The following ARHGEF10L variants were observed in gnomAD, a reference collection of about 807,000 sequenced individuals.
The protein encoded by ARHGEF10L is rho guanine nucleotide exchange factor 10-like protein.
Under a neutral mutation model 141.2 loss-of-function variants are expected in ARHGEF10L, and 69 were observed. The ratio of observed to expected loss-of-function variants is 0.49; its 90% CI spans 0.40 to 0.60. The LOEUF (loss-of-function observed/expected upper bound fraction) is 0.60. Ranked by LOEUF, ARHGEF10L falls within the 20% of genes least tolerant of loss-of-function variation. The pLI is 0.00. For synonymous variants in ARHGEF10L, 711 were observed against 718.5 expected (o/e 0.99, Z 0.17); for missense variants, 1,482 against 1,734.3 (o/e 0.85, Z 2.58).
intron 22 of ARHGEF10L, among the ~76,000 whole-genome samples, chr1:17,653,777 T>TGAGTGACATTGAGCCAGGCACGCCTG (rs2062071059): frequency 6.6e-6 from 1 of 152,244 alleles, no homozygotes; most frequent in Non-Finnish European, 1.5e-5. Flanking sequence ...GCCACTAACA[T>TGAGTGACATTGAGCCAGGCACGCCTG]GCTGTGTGAC....
Position 17,627,231 on chromosome 1 carries a change from C to T in ARHGEF10L, c.1411-99C>T. 6.9e-7 allele frequency: 1 copy of T among 1,458,744 alleles called. No individual in the cohort carries two copies. Among genetic ancestry groups the T allele is most frequent in the South Asian group, 1.3e-5 (1 of 75,348 alleles). 90.4% of individuals were successfully genotyped at this position (1,458,744 alleles called of 1,614,324 possible). A position where few individuals can be genotyped will look rare whatever the true frequency, so the allele number is the denominator to read the frequency against. ...GGCCTCAGGCCGGGCCCTTTGCAGA[C>T]CCAGTGTGTGTAGGGGGTTGCGCAG... On this transcript the variant is annotated intron_variant, in intron 14 of 28. Coordinates refer to ENST00000361221, the MANE Select transcript of ARHGEF10L (RefSeq NM_018125.4). The surrounding 1 kb of genome is among the most constrained non-coding windows in gnomAD (Gnocchi z 4.0).
At chr1:17,591,863 C>T (rs1003411485) in intron 4 of ARHGEF10L, among the ~76,000 whole-genome samples, 8 of 152,212 alleles carry the variant, frequency 5.3e-5, no homozygotes, top group African/African-American at 1.9e-4. Context: ...TATCTTATTA[C>T]TTGTACCCCT....
At chr1:17,672,802 A>G (rs2063405659) in intron 26 of ARHGEF10L, among the ~76,000 whole-genome samples, 1 of 152,024 alleles carries the variant, frequency 6.6e-6, no homozygotes, top group Non-Finnish European at 1.5e-5. Flanking sequence ...CATGGGAGGT[A>G]GGGGTGGGTT....
At chr1:17,666,763 G>A (rs2063002490) in intron 26 of ARHGEF10L, among the ~76,000 whole-genome samples, 2 of 150,690 alleles carry the variant, frequency 1.3e-5, no homozygotes, top group South Asian at 4.3e-4. Context: ...CCCAGCCCCT[G>A]GTTCATGCTG....
chr1:17,525,242 G>C, the ARHGEF10L span, among the ~76,000 whole-genome samples: 2 of 152,080 alleles, frequency 1.3e-5, no homozygotes, highest in African/African-American at 4.8e-5. Flanking sequence ...TTCTCCCTCC[G>C]CATCTTAGTC....
the ARHGEF10L span, among the ~76,000 whole-genome samples, chr1:17,530,999 C>T: frequency 6.7e-6 from 1 of 149,396 alleles, no homozygotes; most frequent in African/African-American, 2.5e-5. Context: ...AGCAAGACTC[C>T]ATCTCAAAAA....
chr1:17,520,662 T>C, the ARHGEF10L span, among the ~76,000 whole-genome samples: 1 of 152,192 alleles, frequency 6.6e-6, no homozygotes, highest in African/African-American at 2.4e-5. Context: ...TGGGTGCCTC[T>C]ATGGGTGTGA....
chr1:17,566,157 T>G (rs1359015725), intron 1 of ARHGEF10L, among the ~76,000 whole-genome samples: 1 of 152,222 alleles, frequency 6.6e-6, no homozygotes, highest in African/African-American at 2.4e-5. Flanking sequence ...CAATGCCCTC[T>G]GATCCGGGTT....
chr1:17,525,929 C>T, the ARHGEF10L span, among the ~76,000 whole-genome samples: 1 of 146,488 alleles, frequency 6.8e-6, no homozygotes, highest in Admixed American at 6.9e-5. Flanking sequence ...TTGAATCCTG[C>T]AGGTGGAGGT....
intron 28 of ARHGEF10L, 106 bp downstream of exon 28, chr1:17,695,386 G>T: frequency 7.0e-7 from 1 of 1,429,432 alleles, no homozygotes; most frequent in Non-Finnish European, 9.2e-7. Context: ...ATAGGGATGG[G>T]GTTCCAGTCT....
the ARHGEF10L span, among the ~76,000 whole-genome samples, chr1:17,531,115 T>A: frequency 2.0e-5 from 3 of 152,104 alleles, no homozygotes; most frequent in Non-Finnish European, 1.5e-5. Flanking sequence ...GCCTGGCGTA[T>A]GGTAAATGTA....
At chr1:17,640,618 AG>A (rs1408782397) in intron 21 of ARHGEF10L, among the ~76,000 whole-genome samples, 7 of 152,192 alleles carry the variant, frequency 4.6e-5, no homozygotes, top group African/African-American at 1.7e-4. Context: ...CTAGACTGCT[AG>A]GGGTTTTGGT....
At chr1:17,693,758 T>C (rs2065277290) in intron 27 of ARHGEF10L, among the ~76,000 whole-genome samples, 1 of 152,192 alleles carries the variant, frequency 6.6e-6, no homozygotes, top group Non-Finnish European at 1.5e-5. Flanking sequence ...TCCAAAGCTG[T>C]GTTTTTTCAA....
intron 26 of ARHGEF10L, among the ~76,000 whole-genome samples, chr1:17,686,316 A>G (rs1183163854): frequency 6.6e-6 from 1 of 152,088 alleles, no homozygotes; most frequent in Non-Finnish European, 1.5e-5. Context: ...TCAAGTGTCC[A>G]TCCATTCATT....
intron 7 of ARHGEF10L, among the ~76,000 whole-genome samples, chr1:17,610,272 G>A (rs2059477882): frequency 6.6e-6 from 1 of 152,214 alleles, no homozygotes; most frequent in Admixed American, 6.5e-5. Flanking sequence ...CCCCCAGGGG[G>A]TATAAGGGGC....
intron 1 of ARHGEF10L, among the ~76,000 whole-genome samples, chr1:17,550,664 CA>C (rs755037225): frequency 6.7e-6 from 1 of 148,244 alleles, no homozygotes; most frequent in Non-Finnish European, 1.5e-5. Context: ...AAAAAAAAGC[CA>C]AAAAACCCCA....
chr1:17,689,809 C>T (rs939066000), intron 27 of ARHGEF10L: 7 of 455,718 alleles, frequency 1.5e-5, no homozygotes, highest in African/African-American at 4.0e-5. Flanking sequence ...TCTTTGGAAT[C>T]TCGTCTTGTC....
rs1295853782 is a variant in ARHGEF10L, at chr1:17,656,331, C to T, written c.2706-223C>T. Among the ~76,000 whole-genome samples, 2 of 152,200 alleles carry T rather than the reference C, an allele frequency of 1.3e-5. No homozygotes were observed. The highest frequency in any genetic ancestry group is 2.9e-5 in the Non-Finnish European group (2 of 68,038). ...GGCAGAATGGCTGGCTCTTTTGCCT[C>T]CCTGAGTCCTCTTCGTGACAGAGGT... On this transcript the variant is annotated intron_variant, in intron 24 of 28. Transcript: ENST00000361221. The surrounding 1 kb of genome is among the most constrained non-coding windows in gnomAD (Gnocchi z 4.9).
chr1:17,634,569 G>T lies in ARHGEF10L; in HGVS notation c.1745+7G>T. 6.2e-7 allele frequency: 1 copy of T among 1,613,914 alleles called. No homozygotes were observed. The highest frequency in any genetic ancestry group is 8.5e-7 in the Non-Finnish European group (1 of 1,179,904). ...CCAGGCCTGCCAACCACAGGTACGT[G>T]GTTCAGGGGGCTCCGGGGCTCTGGG... On this transcript the variant is annotated splice_region_variant and intron_variant, in intron 17 of 28. Transcript: ENST00000361221.
Sources: gnomAD v4.1 joint callset for allele counts (sites outside exome capture counted in the v4.1 genomes callset) on GRCh38, gnomAD v4.1.1 for gene constraint, Gnocchi (gnomAD v3.1) non-coding constraint, MANE v1.5 for transcripts, NCBI Gene and HGNC (gene_info 2026-07-23, HGNC 2026-07-21) for gene names.